Variants in STPG2 observed in about 807,000 individuals in gnomAD.
The protein encoded by STPG2 is sperm tail PG-rich repeat containing 2, also known as sperm-tail PG-rich repeat-containing protein 2.
A neutral mutation model predicts 54.2 loss-of-function variants in STPG2; 56 were observed. The ratio of observed to expected loss-of-function variants is 1.03; its 90% CI spans 0.83 to 1.29. The LOEUF is 1.29. Among genes scored for constraint, STPG2 ranks in the 50% most tolerant of loss-of-function variants. The pLI, the probability that STPG2 is intolerant of heterozygous loss-of-function variation, is 0.00. For synonymous variants in STPG2, 200 were observed against 181.8 expected (o/e 1.10, Z -0.81); for missense variants, 596 against 544.9 (o/e 1.09, Z -0.93).
At chr4:98,059,690 A>G (rs1006243847) in intron 5 of STPG2, among the ~76,000 whole-genome samples, 1 of 152,040 alleles carries the variant, frequency 6.6e-6, no homozygotes, top group Non-Finnish European at 1.5e-5. Flanking sequence ...TGGGATCCAG[A>G]AGCACATCAA....
chr4:97,558,011 C>A (rs932905864), downstream of STPG2, among the ~76,000 whole-genome samples: 1 of 152,164 alleles, frequency 6.6e-6, no homozygotes, highest in African/African-American at 2.4e-5. Context: ...GCCTTTCCTG[C>A]ATTTTCTTAA....
intron 10 of STPG2, among the ~76,000 whole-genome samples, chr4:97,652,816 C>G (rs13138311): frequency 4.6e-5 from 7 of 151,904 alleles, no homozygotes; most frequent in African/African-American, 7.2e-5. Context: ...TTAGCCATAG[C>G]TAAGTAGATT....
At chr4:98,127,853 G>T (rs80090224) in intron 3 of STPG2, among the ~76,000 whole-genome samples, 2,128 of 152,028 alleles carry the variant, frequency 0.014, 47 homozygotes, top group African/African-American at 0.047. Context: ...ATCATTTCTG[G>T]AATAAATGAT....
At chr4:97,936,706 C>A (rs1360404059) in intron 8 of STPG2, among the ~76,000 whole-genome samples, 1 of 152,148 alleles carries the variant, frequency 6.6e-6, no homozygotes, top group Non-Finnish European at 1.5e-5. Flanking sequence ...AACATTGGCC[C>A]CCACTCTCTT....
intron 1 of STPG2, among the ~76,000 whole-genome samples, chr4:98,142,005 G>T (rs924218018): frequency 9.6e-5 from 14 of 146,076 alleles, no homozygotes; most frequent in Admixed American, 8.2e-4. Flanking sequence ...GTGTTTCCAA[G>T]AATAAAGTGG....
chr4:97,598,305 T>C (rs1332572556), intron 10 of STPG2, among the ~76,000 whole-genome samples: 1 of 152,116 alleles, frequency 6.6e-6, no homozygotes, highest in Non-Finnish European at 1.5e-5. Context: ...AAAACGACAG[T>C]ACTGCCCAAA....
intron 9 of STPG2, among the ~76,000 whole-genome samples, chr4:97,775,503 C>A (rs771262068): frequency 3.9e-5 from 6 of 152,100 alleles, no homozygotes; most frequent in Non-Finnish European, 7.4e-5. Context: ...CCAAACACTA[C>A]ACTTGGTTAC....
chr4:97,919,124 C>T (rs1731997970), intron 8 of STPG2, among the ~76,000 whole-genome samples: 2 of 151,810 alleles, frequency 1.3e-5, no homozygotes, highest in African/African-American at 4.8e-5. Flanking sequence ...GAAAAACAAA[C>T]ATGAATTAAA....
At chr4:97,959,827 A>T (rs1022228595) in intron 7 of STPG2, among the ~76,000 whole-genome samples, 2 of 152,294 alleles carry the variant, frequency 1.3e-5, no homozygotes, top group Non-Finnish European at 2.9e-5. Flanking sequence ...GAAAGAGGGA[A>T]ACCTCTCTAA....
At chr4:97,513,885 T>C (rs1731023274) in intron 4 of STPG2, among the ~76,000 whole-genome samples, 1 of 152,110 alleles carries the variant, frequency 6.6e-6, no homozygotes, top group Admixed American at 6.6e-5. Flanking sequence ...ATGTCACAAA[T>C]CTAGGCCAAA....
chr4:97,469,774 C>T (rs1729877533), intron 4 of STPG2, among the ~76,000 whole-genome samples: 1 of 151,870 alleles, frequency 6.6e-6, no homozygotes, highest in Non-Finnish European at 1.5e-5. Context: ...AAGACACAGA[C>T]ACAGAAACTA....
chr4:98,123,458 T>C (rs998914621), intron 3 of STPG2, among the ~76,000 whole-genome samples: 1 of 152,206 alleles, frequency 6.6e-6, no homozygotes, highest in African/African-American at 2.4e-5. Context: ...CAGGAGTCAT[T>C]CAGAAGCAGG....
At chr4:97,741,865 T>A (rs1578525177) in intron 9 of STPG2, among the ~76,000 whole-genome samples, 1 of 152,146 alleles carries the variant, frequency 6.6e-6, no homozygotes, top group East Asian at 1.9e-4. Flanking sequence ...CATTACTGGG[T>A]ATATACCCAA....
At chr4:97,812,639 T>C (rs1235916233) in intron 9 of STPG2, among the ~76,000 whole-genome samples, 2 of 152,154 alleles carry the variant, frequency 1.3e-5, no homozygotes, top group Non-Finnish European at 2.9e-5. Flanking sequence ...GTCTAGTCTA[T>C]ATTAGTTCCT....
chr4:97,508,453 CTA>C (rs1730900444), intron 4 of STPG2, among the ~76,000 whole-genome samples: 1 of 151,924 alleles, frequency 6.6e-6, no homozygotes, highest in South Asian at 2.1e-4. Context: ...TAAAAAATAA[CTA>C]GACTCTTTTC....
At chr4:98,050,436 GTTT>G (rs2066874400) in intron 5 of STPG2, among the ~76,000 whole-genome samples, 1 of 133,856 alleles carries the variant, frequency 7.5e-6, no homozygotes, top group South Asian at 2.5e-4. Context: ...TTCACATTAA[GTTT>G]TTTATTTTTT....
intron 5 of STPG2, among the ~76,000 whole-genome samples, chr4:98,102,968 C>T (rs115511647): frequency 0.015 from 2,317 of 150,234 alleles, 55 homozygotes; most frequent in African/African-American, 0.054. Flanking sequence ...GTCCCATTTC[C>T]CTTATTCCAT....
At chr4:97,946,660 C>A (rs568461702) in intron 7 of STPG2, among the ~76,000 whole-genome samples, 1 of 152,022 alleles carries the variant, frequency 6.6e-6, no homozygotes, top group Non-Finnish European at 1.5e-5. Flanking sequence ...GTCCATTCCC[C>A]AATTTATGCT....
chr4:97,599,103 G>C (rs1733384567), intron 10 of STPG2, among the ~76,000 whole-genome samples: 1 of 151,978 alleles, frequency 6.6e-6, no homozygotes, highest in Non-Finnish European at 1.5e-5. Context: ...GTGGGCAGAG[G>C]ACCCTTATCA....
Sources: gnomAD v4.1 joint callset for allele counts (sites outside exome capture counted in the v4.1 genomes callset) on GRCh38, gnomAD v4.1.1 for gene constraint, MANE v1.5 for transcripts, NCBI Gene and HGNC (gene_info 2026-07-23, HGNC 2026-07-21) for gene names.